ZNF804A: variants seen among roughly 807,000 people sequenced by gnomAD.
ZNF804A encodes zinc finger protein 804A.
Under a neutral mutation model 16.5 loss-of-function variants are expected in ZNF804A, and 2 were observed. That is an observed-to-expected ratio of 0.12 (90% CI 0.05 to 0.38). ZNF804A has a LOEUF of 0.38. Among genes scored for constraint, ZNF804A ranks in the 10% least tolerant of loss-of-function variants. The pLI is 0.99. For synonymous variants in ZNF804A, 534 were observed against 489.6 expected, an observed-to-expected ratio of 1.09 and a Z score of -1.20; for missense variants, 1,473 against 1,390.7, an observed-to-expected ratio of 1.06 and a Z score of -0.94.
chr2:184,816,514 G>T (rs1694985737), intron 1 of ZNF804A, among the ~76,000 whole-genome samples: 1 of 151,660 alleles, frequency 6.6e-6, no homozygotes, highest in Non-Finnish European at 1.5e-5. Flanking sequence ...TCCCTTTCTG[G>T]GTATTTATTT....
intron 1 of ZNF804A, among the ~76,000 whole-genome samples, chr2:184,804,835 C>T (rs1694779166): frequency 2.6e-5 from 4 of 152,134 alleles, no homozygotes; most frequent in South Asian, 2.1e-4. Context: ...AAGAAAATCA[C>T]CCTATAAATA....
Position 184,865,707 on chromosome 2 carries a change from T to G in ZNF804A, c.112-662T>G, listed in dbSNP as rs140617279. On this transcript the variant is annotated intron_variant, in intron 1 of 3. Coordinates refer to ENST00000302277, the MANE Select transcript of ZNF804A (RefSeq NM_194250.2). ...TGGTTATATCACTGTCTTTATTTAC[T>G]GTGAGTATGATGAAAACAATCTGCT... Among the ~76,000 whole-genome samples the G allele has an allele frequency of 1.9e-3, 290 of 151,106 alleles. 1 individual carries two copies. Among genetic ancestry groups the G allele is most frequent in the African/African-American group, 6.6e-3 (276 of 41,590 alleles).
rs1685803180 is a variant in ZNF804A, at chr2:184,937,050, T to C, written c.1654T>C (p.Ser552Pro). Reference protein sequence around the residue: ...ENTGQRYKNISCKIRETEKYN... With the variant: ...ENTGQRYKNIPCKIRETEKYN... ...CACAGGTCAGAGGTATAAAAACATTTCCTGTAAGATCAGAGAAACAGAAAA... is the reference window on the plus strand; with the variant it reads ...CACAGGTCAGAGGTATAAAAACATTCCCTGTAAGATCAGAGAAACAGAAAA... The change falls in exon 4 of 4, where the codon TCC (serine) becomes CCC (proline). Residue 552 changes from serine to proline, a missense_variant. Coordinates refer to ENST00000302277, the MANE Select transcript of ZNF804A (RefSeq NM_194250.2). 1 of 1,606,914 alleles carries C rather than the reference T, an allele frequency of 6.2e-7. No homozygotes were observed. Among genetic ancestry groups the C allele is most frequent in the Admixed American group, 1.7e-5 (1 of 57,784 alleles).
intron 1 of ZNF804A, among the ~76,000 whole-genome samples, chr2:184,744,747 C>T (rs1693762098): frequency 6.6e-6 from 1 of 151,860 alleles, no homozygotes; most frequent in African/African-American, 2.4e-5. Context: ...TGTTAGTTTA[C>T]AAGTGTGTAT....
At chr2:184,725,505 T>C (rs1693395749) in intron 1 of ZNF804A, among the ~76,000 whole-genome samples, 2 of 151,666 alleles carry the variant, frequency 1.3e-5, no homozygotes, top group Admixed American at 1.3e-4. Context: ...TAATTACCCA[T>C]TTTGAAACTT....
At chr2:184,808,730 T>G (rs935584814) in intron 1 of ZNF804A, among the ~76,000 whole-genome samples, 2 of 151,710 alleles carry the variant, frequency 1.3e-5, no homozygotes, top group East Asian at 3.8e-4. Context: ...AAATTGGTTT[T>G]AGAATCCAGA....
intron 1 of ZNF804A, among the ~76,000 whole-genome samples, chr2:184,796,791 C>T (rs1694635569): frequency 6.6e-6 from 1 of 152,100 alleles, no homozygotes; most frequent in Non-Finnish European, 1.5e-5. Flanking sequence ...TTAGCATCGA[C>T]TTTGCTGTAT....
chr2:184,838,948 A>G (rs1210104107), intron 1 of ZNF804A, among the ~76,000 whole-genome samples: 1 of 152,144 alleles, frequency 6.6e-6, no homozygotes, highest in African/African-American at 2.4e-5. Context: ...ATCCATTGAT[A>G]TGATAGAATC....
chr2:184,794,616 G>A (rs1260917648), intron 1 of ZNF804A, among the ~76,000 whole-genome samples: 1 of 152,010 alleles, frequency 6.6e-6, no homozygotes, highest in African/African-American at 2.4e-5. Flanking sequence ...AAGGTATACA[G>A]GCAACAAATA....
At chr2:184,876,994 C>T (rs1367020920) in intron 2 of ZNF804A, among the ~76,000 whole-genome samples, 1 of 151,858 alleles carries the variant, frequency 6.6e-6, no homozygotes, top group Non-Finnish European at 1.5e-5. Flanking sequence ...TGAGTTTTTA[C>T]CACTAAAACT....
At chr2:184,748,611 T>C (rs1485696557) in intron 1 of ZNF804A, among the ~76,000 whole-genome samples, 1 of 151,504 alleles carries the variant, frequency 6.6e-6, no homozygotes, top group African/African-American at 2.4e-5. Flanking sequence ...TTTTAGGCTA[T>C]GCAGAAGTTC....
At chr2:184,919,054 G>T (rs987906494) in intron 2 of ZNF804A, among the ~76,000 whole-genome samples, 7 of 152,156 alleles carry the variant, frequency 4.6e-5, no homozygotes, top group Admixed American at 6.5e-5. Flanking sequence ...TCTTAAGCCT[G>T]GGCCCATTGC....
intron 1 of ZNF804A, among the ~76,000 whole-genome samples, chr2:184,822,388 G>A (rs1182232777): frequency 1.3e-5 from 2 of 151,956 alleles, no homozygotes; most frequent in African/African-American, 2.4e-5. Context: ...GGTGGGGAAC[G>A]ACACACACTG....
At chr2:184,887,110 T>C (rs1684903739) in intron 2 of ZNF804A, among the ~76,000 whole-genome samples, 1 of 152,232 alleles carries the variant, frequency 6.6e-6, no homozygotes, top group Admixed American at 6.5e-5. Context: ...TTAAATGCTT[T>C]GCTGGTTACA....
At chr2:184,912,253 C>A (rs752376176) in intron 2 of ZNF804A, among the ~76,000 whole-genome samples, 1 of 151,906 alleles carries the variant, frequency 6.6e-6, no homozygotes, top group Non-Finnish European at 1.5e-5. Context: ...CAGTATATGA[C>A]CTTTTGTGTC....
At chr2:184,927,225 G>T (rs1457386094) in intron 2 of ZNF804A, among the ~76,000 whole-genome samples, 2 of 152,234 alleles carry the variant, frequency 1.3e-5, no homozygotes, top group Non-Finnish European at 2.9e-5. Flanking sequence ...AAGCCCAGTA[G>T]TTCTGTGGCT....
At chr2:184,612,992 A>G (rs1368741387) in intron 1 of ZNF804A, among the ~76,000 whole-genome samples, 1 of 152,252 alleles carries the variant, frequency 6.6e-6, no homozygotes, top group East Asian at 1.9e-4. Context: ...TTGGAGACTG[A>G]GGATGTTGTT....
chr2:184,659,224 T>C (rs929479214), intron 1 of ZNF804A, among the ~76,000 whole-genome samples: 5 of 152,174 alleles, frequency 3.3e-5, no homozygotes, highest in African/African-American at 1.2e-4. Flanking sequence ...CTGGGCTTAT[T>C]ACTACAGAGG....
chr2:184,754,937 A>G lies in ZNF804A; in HGVS notation c.112-111432A>G, dbSNP rs1026903510. On this transcript the variant is annotated intron_variant, in intron 1 of 3. Transcript: ENST00000302277. ...AAGCCACACACCTTTAAACCATCAG[A>G]TCTCGTGAGAAGTCATTCACCATCT... Among the ~76,000 whole-genome samples the G allele has an allele frequency of 2.6e-5, 4 of 151,848 alleles. No homozygotes were observed. The South Asian group carries it at 8.3e-4, about 31-fold the overall frequency.
Sources: allele counts gnomAD v4.1 joint callset (sites outside exome capture counted in the v4.1 genomes callset), GRCh38; gene constraint gnomAD v4.1.1; transcripts MANE v1.5; gene names NCBI Gene and HGNC (gene_info 2026-07-23, HGNC 2026-07-21).